The following HMGXB4 variants were observed in gnomAD, a reference collection of about 807,000 sequenced individuals.
HMGXB4 encodes HMG-box containing 4.
In HMGXB4, 27 loss-of-function variants were observed where a neutral mutation model predicts 63.9. That is an observed-to-expected ratio of 0.42 (90% CI 0.31 to 0.58). The LOEUF (loss-of-function observed/expected upper bound fraction) is 0.58, where lower values mean the gene tolerates loss of function less well. Ranked by LOEUF, HMGXB4 falls within the 20% of genes least tolerant of loss-of-function variation. The probability of loss-of-function intolerance (pLI) is 0.13; values close to 1 mark genes in which losing one functional copy is unlikely to be tolerated. For synonymous variants in HMGXB4, 264 were observed against 265.3 expected (o/e 0.99, Z 0.05); for missense variants, 624 against 700.7 (o/e 0.89, Z 1.24).
At chr22:35,262,522 TC>T (rs1922927593) in intron 2 of HMGXB4, 101 bp downstream of exon 2, 1 of 1,166,106 alleles carries the variant, frequency 8.6e-7, no homozygotes, top group African/African-American at 1.5e-5. Context: ...CAGCCTGGAC[TC>T]CCAAGTGATG....
intron 9 of HMGXB4, among the ~76,000 whole-genome samples, chr22:35,292,258 C>G (rs1157996734): frequency 2.6e-5 from 4 of 152,138 alleles, no homozygotes; most frequent in African/African-American, 9.7e-5. Context: ...TAGTATCTTA[C>G]AGGCACAGCA....
upstream of HMGXB4, among the ~76,000 whole-genome samples, chr22:35,254,309 G>A (rs182459352): frequency 3.4e-3 from 525 of 152,304 alleles, 1 homozygote; most frequent in Admixed American, 6.3e-3. Context: ...TGCCCAGAGG[G>A]TCCTCTTTTC....
rs1214302932 is a variant in HMGXB4, at chr22:35,293,931, T to TA, written c.*285dup. 4.6e-6 allele frequency: 1 copy of TA among 217,064 alleles called. No individual in the cohort carries two copies. The highest frequency in any genetic ancestry group is 9.6e-5 in the East Asian group (1 of 10,452). The allele number at this position is 217,064 out of a possible 1,614,324, so 13.4% of individuals were successfully genotyped here. On this transcript the variant is annotated 3_prime_UTR_variant, in exon 11 of 11. Transcript: ENST00000216106. ...TCTCCTGTGGTGGATAAATCTGCCT[T>TA]AAAAATCAATGTAACTTGGGGGCTG...
intron 7 of HMGXB4, 84 bp downstream of exon 7, chr22:35,286,145 AC>A: frequency 1.1e-6 from 1 of 950,468 alleles, no homozygotes; most frequent in Non-Finnish European, 1.6e-6. Context: ...AGCCAGCCAG[AC>A]AGCACTGAAA....
At chr22:35,262,246 T>G in intron 1 of HMGXB4, 77 bp from the exon 2 acceptor site, 1 of 780,138 alleles carries the variant, frequency 1.3e-6, no homozygotes, top group East Asian at 2.5e-5. Flanking sequence ...CTTGGATCAC[T>G]GCGCATTTCC....
the HMGXB4 span, among the ~76,000 whole-genome samples, chr22:35,243,779 A>G: frequency 6.6e-6 from 1 of 152,152 alleles, no homozygotes; most frequent in Non-Finnish European, 1.5e-5. Flanking sequence ...CCTGGCCTCA[A>G]GTGAACCACC....
intron 5 of HMGXB4, among the ~76,000 whole-genome samples, chr22:35,269,013 A>C (rs1923438596): frequency 6.6e-6 from 1 of 152,168 alleles, no homozygotes; most frequent in African/African-American, 2.4e-5. Flanking sequence ...TTTCTTCCTT[A>C]TATTGGCATT....
At chr22:35,257,753 G>A (rs1184910483) in intron 1 of HMGXB4, among the ~76,000 whole-genome samples, 196 bp downstream of exon 1, 1 of 152,184 alleles carries the variant, frequency 6.6e-6, no homozygotes, top group Admixed American at 6.5e-5. Context: ...AGGGGCTGGA[G>A]CGGGCAGAAG....
Position 35,287,339 on chromosome 22 carries a change from G to T in HMGXB4, c.1363-8G>T, listed in dbSNP as rs374157816. The stretch of plus-strand genomic sequence containing the variant: ...AATTTAATTTAATGTTCACTGATGT[G>T]ATTGCAGATTTGGAAGCAAAAAGCT... On this transcript the variant is annotated splice_region_variant and splice_polypyrimidine_tract_variant and intron_variant, in intron 7 of 10. Coordinates refer to ENST00000216106, the MANE Select transcript of HMGXB4 (RefSeq NM_001003681.3). 1.3e-5 allele frequency: 21 copies of T among 1,599,838 alleles called. No homozygotes were observed. Among genetic ancestry groups the T allele is most frequent in the Non-Finnish European group, 1.8e-5 (21 of 1,168,208 alleles).
intron 5 of HMGXB4, among the ~76,000 whole-genome samples, chr22:35,278,705 G>C (rs1383310165): frequency 6.6e-6 from 1 of 151,058 alleles, no homozygotes; most frequent in South Asian, 2.1e-4. Context: ...CTGGAGTGCA[G>C]AGGTGCAATC....
At chr22:35,289,992 G>C (rs967994216) in intron 9 of HMGXB4, among the ~76,000 whole-genome samples, 1 of 152,070 alleles carries the variant, frequency 6.6e-6, no homozygotes. Context: ...AATGCCAAAG[G>C]CCACAAGAGC....
At chr22:35,251,938 C>T in the HMGXB4 span, among the ~76,000 whole-genome samples, 3 of 152,120 alleles carry the variant, frequency 2.0e-5, no homozygotes, top group Admixed American at 6.6e-5. Flanking sequence ...TGGTCAGGTG[C>T]GGTGACTGGC....
chr22:35,259,755 A>G (rs1256608892), intron 1 of HMGXB4, among the ~76,000 whole-genome samples: 1 of 152,232 alleles, frequency 6.6e-6, no homozygotes, highest in Non-Finnish European at 1.5e-5. Flanking sequence ...TGGCTGCCCC[A>G]GTTCTTCAGT....
At position 35,263,094 on chromosome 22, in the gene HMGXB4, T is replaced by C; in HGVS notation, c.48T>C (p.Asp16=). 1 of 1,613,814 alleles carries C rather than the reference T, an allele frequency of 6.2e-7. No homozygotes were observed. Among genetic ancestry groups the C allele is most frequent in the Non-Finnish European group, 8.5e-7 (1 of 1,179,932 alleles). ...GCTTCTCAGATTGTTTTGATGGTGATCATACCTTTGAGGACATAGGACTTG... is the reference window on the plus strand; with the variant it reads ...GCTTCTCAGATTGTTTTGATGGTGACCATACCTTTGAGGACATAGGACTTG... ...SVKKEDCFDG[D]HTFEDIGLAA... is the part of the protein sequence containing the mutation. The change falls in exon 3 of 11, where the codon GAT becomes GAC. Residue 16 remains aspartate (D), a synonymous_variant. Transcript: ENST00000216106.
chr22:35,262,263 A>C, intron 1 of HMGXB4, 60 bp from the exon 2 acceptor site: 1 of 901,152 alleles, frequency 1.1e-6, no homozygotes, highest in South Asian at 1.4e-5. Context: ...TTCCATCTGG[A>C]AGGTTGCTTC....
chr22:35,265,506 C>T lies in HMGXB4; in HGVS notation c.1118C>T (p.Ala373Val). ...PPSIPYAGAA[A>V]PPLPLPGLHT... ...AGCATCCCATACGCTGGAGCAGCAG[C>T]ACCTCCCCTGCCACTTCCTGGCCTC... Residue 373 changes from alanine (A) to valine (V), a missense_variant, in exon 5 of 11, where the codon GCA (alanine) becomes GTA (valine). Ala to Val is a moderately conservative substitution (Grantham distance 64). Around this residue, in one of 2 missense-constraint regions of HMGXB4, gnomAD observed 472 missense variants for 470.6 expected, o/e 1.00. Transcript: ENST00000216106. The T allele has an allele frequency of 6.2e-7, 1 of 1,613,568 alleles. No individual in the cohort carries two copies. Among genetic ancestry groups the T allele is most frequent in the Non-Finnish European group, 8.5e-7 (1 of 1,179,948 alleles).
intron 5 of HMGXB4, among the ~76,000 whole-genome samples, chr22:35,277,824 C>T (rs1364360143): frequency 6.6e-6 from 1 of 152,186 alleles, no homozygotes; most frequent in South Asian, 2.1e-4. Flanking sequence ...CAGACTAGTA[C>T]ATTTGTTACA....
chr22:35,253,144 A>AAAAAAAGAAAAAAAG (rs1922258903), upstream of HMGXB4, among the ~76,000 whole-genome samples: 93 of 125,100 alleles, frequency 7.4e-4, no homozygotes, highest in Middle Eastern at 4.5e-3. Flanking sequence ...AAAAAAAAAA[A>AAAAAAAGAAAAAAAG]AAAAAAGAAA....
At chr22:35,273,032 G>A (rs1923702688) in intron 5 of HMGXB4, among the ~76,000 whole-genome samples, 1 of 152,136 alleles carries the variant, frequency 6.6e-6, no homozygotes, top group South Asian at 2.1e-4. Flanking sequence ...CTAAACCTAA[G>A]GCAGGGCCAG....
Sources: gnomAD v4.1 joint callset for allele counts (sites outside exome capture counted in the v4.1 genomes callset) on GRCh38, gnomAD v4.1.1 for gene constraint, gnomAD v4.1.1 regional missense constraint, MANE v1.5 for transcripts, NCBI Gene and HGNC (gene_info 2026-07-23, HGNC 2026-07-21) for gene names.